Variants in NTNG1 observed in about 807,000 individuals in gnomAD.
NTNG1 encodes netrin G1, also known as netrin-G1.
In NTNG1, 16 loss-of-function variants were observed where a neutral mutation model predicts 54.0. The ratio of observed to expected loss-of-function variants is 0.30; its 90% confidence interval spans 0.20 to 0.45. The LOEUF is 0.45. NTNG1 is among the 20% of genes least tolerant of loss of function. The pLI, the probability that NTNG1 is intolerant of heterozygous loss-of-function variation, is 1.00. For synonymous variants in NTNG1, 255 were observed against 263.1 expected (o/e 0.97, Z 0.30); for missense variants, 530 against 678.7 (o/e 0.78, Z 2.43).
At chr1:107,346,108 C>A (rs1669210837) in intron 3 of NTNG1, among the ~76,000 whole-genome samples, 1 of 152,142 alleles carries the variant, frequency 6.6e-6, no homozygotes, top group African/African-American at 2.4e-5. Flanking sequence ...CCAGGCATTG[C>A]AATTTCTATA....
At chr1:107,201,898 A>C (rs1027137798) in intron 2 of NTNG1, among the ~76,000 whole-genome samples, 1 of 151,860 alleles carries the variant, frequency 6.6e-6, no homozygotes, top group African/African-American at 2.4e-5. Flanking sequence ...TACTTACTCC[A>C]TGAAATGATC....
At chr1:107,171,313 T>C (rs1656222550) in intron 2 of NTNG1, among the ~76,000 whole-genome samples, 2 of 152,148 alleles carry the variant, frequency 1.3e-5, no homozygotes, top group African/African-American at 4.8e-5. Context: ...TATATATTTA[T>C]AATGATAACC....
intron 7 of NTNG1, among the ~76,000 whole-genome samples, chr1:107,445,388 A>G (rs2101448408): frequency 6.6e-6 from 1 of 152,262 alleles, no homozygotes; most frequent in Admixed American, 6.5e-5. Context: ...ATCAGTTTAC[A>G]TATGGACTTA....
At chr1:107,424,704 G>C (rs973693822) in intron 5 of NTNG1, among the ~76,000 whole-genome samples, 2 of 152,128 alleles carry the variant, frequency 1.3e-5, no homozygotes, top group Non-Finnish European at 2.9e-5. Flanking sequence ...GGCAACCCAA[G>C]AGCTCAGTTT....
chr1:107,430,113 TTC>T (rs1039443742), intron 5 of NTNG1, among the ~76,000 whole-genome samples: 1 of 152,200 alleles, frequency 6.6e-6, no homozygotes, highest in African/African-American at 2.4e-5. Context: ...TTTTTTTGTC[TTC>T]TCTCACACAT....
chr1:107,371,257 T>C lies in NTNG1; in HGVS notation c.888-23897T>C, dbSNP rs72699399. ...TTTCTTAGTTTGTTAATATGGTGAATTACATTAATTCATTGTTGAATGTTA... is the reference window on the plus strand; with the variant it reads ...TTTCTTAGTTTGTTAATATGGTGAACTACATTAATTCATTGTTGAATGTTA... On this transcript the variant is annotated intron_variant, in intron 3 of 7. Coordinates refer to ENST00000370068, the MANE Select transcript of NTNG1 (RefSeq NM_001113226.3). 7.3e-3 allele frequency among the ~76,000 whole-genome samples: 1,109 copies of C among 152,214 alleles called. 8 individuals are homozygous for C. The highest frequency in any genetic ancestry group is 0.012 in the Non-Finnish European group (839 of 67,932).
At chr1:107,305,522 C>T (rs931349679) in intron 2 of NTNG1, among the ~76,000 whole-genome samples, 17 of 151,920 alleles carry the variant, frequency 1.1e-4, no homozygotes, top group Admixed American at 5.3e-4. Context: ...GTTTGTTGGC[C>T]GCATAAATGT....
At position 107,436,882 on chromosome 1, in the gene NTNG1, G is replaced by C. The variant is rs1418810806; in HGVS notation, c.1390+83G>C. ...CTAGGCCGGTGCGTGCAGCTTCTCA[G>C]AGCAGAAAAAGATCCAAACCGCTGA... On this transcript the variant is annotated intron_variant, in intron 7 of 7. Coordinates refer to ENST00000370068, the MANE Select transcript of NTNG1 (RefSeq NM_001113226.3). 5 of 1,315,926 alleles carry C rather than the reference G, an allele frequency of 3.8e-6. 1 individual carries two copies. The highest frequency in any genetic ancestry group is 2.9e-5 in the African/African-American group (2 of 68,564). The allele number at this position is 1,315,926 out of a possible 1,614,324, so 81.5% of individuals were successfully genotyped here.
At chr1:107,354,715 C>G (rs911455965) in intron 3 of NTNG1, among the ~76,000 whole-genome samples, 6 of 152,032 alleles carry the variant, frequency 3.9e-5, no homozygotes, top group African/African-American at 1.4e-4. Flanking sequence ...TACAGTCTTT[C>G]AAAACTTAGT....
chr1:107,194,915 A>G (rs1008613586), intron 2 of NTNG1, among the ~76,000 whole-genome samples: 1 of 152,088 alleles, frequency 6.6e-6, no homozygotes, highest in East Asian at 1.9e-4. Context: ...CATTTGTAAG[A>G]GTATTTCTAT....
chr1:107,270,486 G>T (rs1374900748), intron 2 of NTNG1, among the ~76,000 whole-genome samples: 2 of 152,138 alleles, frequency 1.3e-5, no homozygotes, highest in Non-Finnish European at 2.9e-5. Context: ...GGAATAATAA[G>T]GTTGTCATGA....
At chr1:107,310,350 T>C (rs577782272) in intron 2 of NTNG1, among the ~76,000 whole-genome samples, 40 of 152,300 alleles carry the variant, frequency 2.6e-4, no homozygotes, top group African/African-American at 8.9e-4. Context: ...CTTGTCTTGC[T>C]AGTATATTGT....
chr1:107,201,338 C>A (rs749171744), intron 2 of NTNG1, among the ~76,000 whole-genome samples: 6 of 151,748 alleles, frequency 4.0e-5, no homozygotes, highest in Non-Finnish European at 5.9e-5. Context: ...CCTCAATCTT[C>A]CAATCTGAAT....
At chr1:107,431,860 G>A (rs753867798) in intron 6 of NTNG1, among the ~76,000 whole-genome samples, 13 of 152,146 alleles carry the variant, frequency 8.5e-5, no homozygotes, top group Non-Finnish European at 1.8e-4. Context: ...ATTGAGGTAC[G>A]TTCAATAGGA....
chr1:107,228,915 G>A lies in NTNG1; in HGVS notation c.246+80076G>A, dbSNP rs544047182. On this transcript the variant is annotated intron_variant, in intron 2 of 7. Transcript: ENST00000370068. ...TCCAGGGCTGGCAGCATTGCTCCCC[G>A]CAGTGCATTTCTATTGAACTAATCA... Among the ~76,000 whole-genome samples, 5 of 152,224 alleles carry A rather than the reference G, an allele frequency of 3.3e-5. No homozygotes were observed. The East Asian group carries it at 5.8e-4, about 18-fold the overall frequency.
At chr1:107,214,615 C>A (rs538338113) in intron 2 of NTNG1, among the ~76,000 whole-genome samples, 64 of 152,102 alleles carry the variant, frequency 4.2e-4, no homozygotes, top group Non-Finnish European at 6.9e-4. Flanking sequence ...GTAATGACTT[C>A]TTTTCCTCTG....
At chr1:107,233,765 G>C (rs1174805908) in intron 2 of NTNG1, among the ~76,000 whole-genome samples, 1 of 152,172 alleles carries the variant, frequency 6.6e-6, no homozygotes, top group African/African-American at 2.4e-5. Flanking sequence ...TCTGTTGCCT[G>C]TTCAGGATGG....
chr1:107,440,441 G>A (rs113945238), intron 7 of NTNG1, among the ~76,000 whole-genome samples: 21 of 152,208 alleles, frequency 1.4e-4, no homozygotes, highest in African/African-American at 4.8e-4. Flanking sequence ...TACTTGGCCC[G>A]TCTAAGCCTG....
At chr1:107,298,343 C>A (rs763330386) in intron 2 of NTNG1, among the ~76,000 whole-genome samples, 47 of 151,816 alleles carry the variant, frequency 3.1e-4, no homozygotes, top group Non-Finnish European at 6.2e-4. Context: ...TAAAAGTTAC[C>A]TTTTTTCGAA....
Sources: gnomAD v4.1 joint callset for allele counts (sites outside exome capture counted in the v4.1 genomes callset) on GRCh38, gnomAD v4.1.1 for gene constraint, MANE v1.5 for transcripts, NCBI Gene and HGNC (gene_info 2026-07-23, HGNC 2026-07-21) for gene names.